DIXDC1: variants seen among roughly 807,000 people sequenced by gnomAD.
DIXDC1 encodes DIX domain containing 1.
DIXDC1 carries 64 observed loss-of-function variants against 103.1 expected under a neutral mutation model. The observed-to-expected ratio is 0.62, with a 90% CI of 0.51 to 0.76. The LOEUF (loss-of-function observed/expected upper bound fraction) is 0.76, where lower values mean the gene tolerates loss of function less well. Ranked by LOEUF, DIXDC1 falls within the 30% of genes least tolerant of loss-of-function variation. DIXDC1 has a pLI of 0.00. For synonymous variants in DIXDC1, 266 were observed against 298.5 expected (o/e 0.89, Z 1.12); for missense variants, 759 against 834.2 (o/e 0.91, Z 1.11).
rs1398917820 is a variant in DIXDC1, at chr11:111,998,809, C to CA, written c.1756+2664dup. Among the ~76,000 whole-genome samples, 4 of 152,216 alleles carry CA rather than the reference C, an allele frequency of 2.6e-5. No homozygotes were observed. Among genetic ancestry groups the CA allele is most frequent in the African/African-American group, 9.7e-5 (4 of 41,450 alleles). ...CCGGCCTCCCAAAGTGCTGGGATTA[C>CA]AGGCGTGAGCCACCGCGCCTGGCCT... is the stretch of plus-strand genomic sequence containing the variant. On this transcript the variant is annotated intron_variant, in intron 17 of 19. Coordinates refer to ENST00000440460, the MANE Select transcript of DIXDC1 (RefSeq NM_001037954.4). The surrounding 1 kb of genome is among the most constrained non-coding windows in gnomAD (Gnocchi z 4.1).
upstream of DIXDC1, among the ~76,000 whole-genome samples, chr11:111,933,706 A>AAG (rs1966108853): frequency 6.6e-6 from 1 of 151,714 alleles, no homozygotes; most frequent in African/African-American, 2.4e-5. Flanking sequence ...AAAAAAAAAA[A>AAG]AAAAAGACAT....
chr11:111,988,747 T>G (rs1243063575), intron 9 of DIXDC1, among the ~76,000 whole-genome samples: 3 of 152,166 alleles, frequency 2.0e-5, no homozygotes, highest in Non-Finnish European at 1.5e-5. Flanking sequence ...AATTATGGGG[T>G]ATCTTCTTTC....
At chr11:111,981,556 TAGAG>T (rs781825523) in intron 6 of DIXDC1, among the ~76,000 whole-genome samples, 2 of 152,080 alleles carry the variant, frequency 1.3e-5, no homozygotes, top group South Asian at 2.1e-4. Context: ...CCTGAGGCCT[TAGAG>T]AGAGAGGGAG....
intron 1 of DIXDC1, among the ~76,000 whole-genome samples, chr11:111,938,044 C>A (rs1399759308): frequency 6.6e-6 from 1 of 152,184 alleles, no homozygotes; most frequent in Non-Finnish European, 1.5e-5. Context: ...ATGTCTGAAT[C>A]TCTTTCTGAG....
intron 1 of DIXDC1, chr11:111,946,703 G>A (rs1966609860): frequency 5.5e-6 from 2 of 366,054 alleles, no homozygotes; most frequent in Non-Finnish European, 1.1e-5. Context: ...AACCTCTTAA[G>A]AACTTTAGGT....
chr11:111,975,027 G>C, intron 5 of DIXDC1, 44 bp downstream of exon 5: 1 of 1,578,088 alleles, frequency 6.3e-7, no homozygotes, highest in South Asian at 1.2e-5. Context: ...GATTCTCGGA[G>C]TTCTCGGCTT....
chr11:111,996,038 C>G, intron 16 of DIXDC1, 42 bp from the exon 17 acceptor site: 1 of 1,594,078 alleles, frequency 6.3e-7, no homozygotes, highest in Non-Finnish European at 8.6e-7. Flanking sequence ...GTTAAGTTCT[C>G]TCATTGATCA....
chr11:111,952,920 GT>G (rs1245004553), intron 1 of DIXDC1, among the ~76,000 whole-genome samples: 1 of 152,084 alleles, frequency 6.6e-6, no homozygotes, highest in Non-Finnish European at 1.5e-5. Flanking sequence ...AACTTGGGAG[GT>G]TGAGGCTGCA....
chr11:111,969,359 G>A (rs983317127), intron 3 of DIXDC1, among the ~76,000 whole-genome samples: 2 of 152,078 alleles, frequency 1.3e-5, no homozygotes, highest in Non-Finnish European at 2.9e-5. Context: ...TGTTTTTTAA[G>A]TTCCTTGGGT....
Position 112,017,673 on chromosome 11 carries a change from T to C in DIXDC1, c.1863-104T>C, listed in dbSNP as rs1303369737. ...GGGGCAGTGACCTAACAAGGGGCTA[T>C]TTCTGCTTATTGACTTTGGCAGGGG... is the stretch of plus-strand genomic sequence containing the variant. On this transcript the variant is annotated intron_variant, in intron 18 of 19. Coordinates refer to ENST00000440460, the MANE Select transcript of DIXDC1 (RefSeq NM_001037954.4). The surrounding 1 kb of genome is among the most constrained non-coding windows in gnomAD (Gnocchi z 4.0). 1.1e-6 allele frequency: 1 copy of C among 907,546 alleles called. No individual in the cohort carries two copies. Among genetic ancestry groups the C allele is most frequent in the African/African-American group, 1.7e-5 (1 of 60,472 alleles). 56.2% of individuals were successfully genotyped at this position (907,546 alleles called of 1,614,324 possible). A position where few individuals can be genotyped will look rare whatever the true frequency, so the allele number is the denominator to read the frequency against.
upstream of DIXDC1, among the ~76,000 whole-genome samples, chr11:111,934,389 A>T (rs1555167953): frequency 6.6e-6 from 1 of 152,242 alleles, no homozygotes; most frequent in East Asian, 1.9e-4. Flanking sequence ...TAAGTTCAGA[A>T]ATCAGGCAGC....
At chr11:111,973,459 A>G (rs1860001264) in intron 3 of DIXDC1, among the ~76,000 whole-genome samples, 1 of 152,188 alleles carries the variant, frequency 6.6e-6, no homozygotes, top group African/African-American at 2.4e-5. Flanking sequence ...TCAATATAAA[A>G]AGTTATCGAG....
At chr11:111,997,378 C>T (rs1465237827) in intron 17 of DIXDC1, among the ~76,000 whole-genome samples, 4 of 151,836 alleles carry the variant, frequency 2.6e-5, no homozygotes, top group African/African-American at 9.7e-5. Context: ...TCTTGTTGCC[C>T]AGGCTGGAGT....
Position 111,998,835 on chromosome 11 carries a change from A to C in DIXDC1, c.1756+2689A>C, listed in dbSNP as rs904351009. ...AGGCGTGAGCCACCGCGCCTGGCCTAGTACTATATTTTTAAATGTAAACTA... is the reference window on the plus strand; with the variant it reads ...AGGCGTGAGCCACCGCGCCTGGCCTCGTACTATATTTTTAAATGTAAACTA... On this transcript the variant is annotated intron_variant, in intron 17 of 19. Coordinates refer to ENST00000440460, the MANE Select transcript of DIXDC1 (RefSeq NM_001037954.4). The surrounding 1 kb of genome is among the most constrained non-coding windows in gnomAD (Gnocchi z 4.1). 2.0e-5 allele frequency among the ~76,000 whole-genome samples: 3 copies of C among 152,182 alleles called. No individual in the cohort carries two copies. Among genetic ancestry groups the C allele is most frequent in the Non-Finnish European group, 4.4e-5 (3 of 68,028 alleles).
intron 1 of DIXDC1, among the ~76,000 whole-genome samples, chr11:111,950,440 T>TATATA (rs1566474109): frequency 9.7e-4 from 7 of 7,224 alleles, no homozygotes; most frequent in Admixed American, 2.9e-3. Context: ...ATATATATAT[T>TATATA]TTTTTTTTTT....
chr11:111,951,131 C>T (rs587732733), intron 1 of DIXDC1, among the ~76,000 whole-genome samples: 1 of 152,292 alleles, frequency 6.6e-6, no homozygotes, highest in South Asian at 2.1e-4. Flanking sequence ...ACAGACTTTG[C>T]AGTCCTCTGT....
chr11:111,968,832 T>G (rs1423435343), intron 3 of DIXDC1, among the ~76,000 whole-genome samples, 194 bp downstream of exon 3: 1 of 152,132 alleles, frequency 6.6e-6, no homozygotes, highest in African/African-American at 2.4e-5. Context: ...TGGAGTGCAA[T>G]GGCACAATCT....
chr11:111,937,358 T>C lies in DIXDC1; in HGVS notation c.-142T>C. ...GCAAGCCGCTAGTTTGGCTCCAGTC[T>C]AGGTTTCCAGTAAGTGGCATGCGGG... On this transcript the variant is annotated 5_prime_UTR_variant, in exon 1 of 20. Coordinates refer to ENST00000440460, the MANE Select transcript of DIXDC1 (RefSeq NM_001037954.4). 3.5e-6 allele frequency: 5 copies of C among 1,441,718 alleles called. No individual in the cohort carries two copies. Among genetic ancestry groups the C allele is most frequent in the Non-Finnish European group, 4.6e-6 (5 of 1,098,574 alleles). 89.3% of individuals were successfully genotyped at this position (1,441,718 alleles called of 1,614,324 possible).
At chr11:111,949,450 G>C (rs1329089017) in intron 1 of DIXDC1, among the ~76,000 whole-genome samples, 5 of 152,218 alleles carry the variant, frequency 3.3e-5, no homozygotes, top group Admixed American at 6.5e-5. Flanking sequence ...CATCCTATCA[G>C]TCATCTCTGG....
Sources: allele counts gnomAD v4.1 joint callset (sites outside exome capture counted in the v4.1 genomes callset), GRCh38; gene constraint gnomAD v4.1.1; non-coding constraint Gnocchi (gnomAD v3.1); transcripts MANE v1.5; gene names NCBI Gene and HGNC (gene_info 2026-07-23, HGNC 2026-07-21).